The following CORO2B variants were observed in gnomAD, a reference collection of about 807,000 sequenced individuals.
The protein encoded by CORO2B is coronin 2B.
CORO2B carries 26 observed loss-of-function variants against 58.8 expected under a neutral mutation model. The observed-to-expected ratio is 0.44, with a 90% confidence interval of 0.32 to 0.61. The LOEUF (loss-of-function observed/expected upper bound fraction) is 0.61, where lower values mean the gene tolerates loss of function less well. CORO2B is among the 20% of genes least tolerant of loss of function. The pLI is 0.04. For synonymous variants in CORO2B, 242 were observed against 253.8 expected (o/e 0.95, Z 0.44); for missense variants, 460 against 645.1 (o/e 0.71, Z 3.11).
chr15:68,641,556 C>T lies in CORO2B; in HGVS notation c.16-3604C>T, dbSNP rs577023282. ...GATGGGAAAACAGGCACAGAAACTG[C>T]GGGCCGCTGAGCGCTCCACCTGGGG... On this transcript the variant is annotated intron_variant, in intron 1 of 11. Transcript: ENST00000261861. 1.8e-5 allele frequency: 18 copies of T among 985,282 alleles called. No individual in the cohort carries two copies. The East Asian group carries it at 1.1e-3, about 62-fold the overall frequency. 61.0% of individuals were successfully genotyped at this position (985,282 alleles called of 1,614,324 possible).
intron 2 of CORO2B, among the ~76,000 whole-genome samples, chr15:68,664,154 C>T (rs943204638): frequency 2.0e-5 from 3 of 151,914 alleles, no homozygotes; most frequent in Admixed American, 6.5e-5. Context: ...TGTACACGTG[C>T]AAAAATTCAA....
intron 3 of CORO2B, among the ~76,000 whole-genome samples, chr15:68,700,349 C>A (rs1892611298): frequency 6.6e-6 from 1 of 151,306 alleles, no homozygotes; most frequent in East Asian, 1.9e-4. Context: ...GCCTGTTTCA[C>A]CCCCAGCCCT....
chr15:68,524,779 C>T, the CORO2B span, among the ~76,000 whole-genome samples: 1 of 152,170 alleles, frequency 6.6e-6, no homozygotes, highest in African/African-American at 2.4e-5. Context: ...AGAACATTTT[C>T]CTGAACACTC....
the CORO2B span, among the ~76,000 whole-genome samples, chr15:68,541,769 C>T: frequency 6.6e-6 from 1 of 152,206 alleles, no homozygotes; most frequent in Non-Finnish European, 1.5e-5. Context: ...TTCGCTGGCT[C>T]ATGGGGCTTC....
intron 2 of CORO2B, among the ~76,000 whole-genome samples, chr15:68,689,081 G>A (rs937206717): frequency 1.3e-5 from 2 of 150,430 alleles, no homozygotes; most frequent in Admixed American, 6.7e-5. Flanking sequence ...GTACACAACA[G>A]CTGCGATTCA....
chr15:68,705,682 G>T (rs1042327445), intron 3 of CORO2B, among the ~76,000 whole-genome samples: 2 of 152,078 alleles, frequency 1.3e-5, no homozygotes, highest in African/African-American at 4.8e-5. Flanking sequence ...TAAGGGGCTG[G>T]TGCCTGGGCA....
intron 2 of CORO2B, among the ~76,000 whole-genome samples, chr15:68,694,125 C>T (rs1418678955): frequency 6.6e-6 from 1 of 152,116 alleles, no homozygotes; most frequent in Non-Finnish European, 1.5e-5. Flanking sequence ...TGTGAGCCAC[C>T]GCACCCGGCT....
At chr15:68,705,673 A>G (rs546932893) in intron 3 of CORO2B, among the ~76,000 whole-genome samples, 1 of 152,048 alleles carries the variant, frequency 6.6e-6, no homozygotes, top group Non-Finnish European at 1.5e-5. Context: ...GAATCCAGTT[A>G]AGGGGCTGGT....
intron 1 of CORO2B, among the ~76,000 whole-genome samples, chr15:68,598,399 C>T (rs1417229200): frequency 1.3e-5 from 2 of 152,256 alleles, no homozygotes; most frequent in Non-Finnish European, 2.9e-5. Flanking sequence ...CTCTGCTTCT[C>T]TATTTTGCGT....
At chr15:68,632,643 T>C (rs370348721) in intron 1 of CORO2B, among the ~76,000 whole-genome samples, 1 of 152,206 alleles carries the variant, frequency 6.6e-6, no homozygotes, top group Admixed American at 6.5e-5. Context: ...CAGGCTGGAG[T>C]GCAGTGGTGC....
chr15:68,576,711 A>G (rs1368728251), upstream of CORO2B, among the ~76,000 whole-genome samples: 3 of 152,186 alleles, frequency 2.0e-5, no homozygotes, highest in Non-Finnish European at 4.4e-5. Context: ...CAGCTGAGAC[A>G]GGGAATCTGA....
At position 68,710,759 on chromosome 15, in the gene CORO2B, G is replaced by C. The variant is rs1412173142; in HGVS notation, c.361G>C (p.Gly121Arg). Residue 121 changes from glycine to arginine, a missense_variant, in exon 4 of 12, where the codon GGG (glycine) becomes CGG (arginine). Transcript: ENST00000261861. This position sits in a 1 kb window ranked among gnomAD's most constrained non-coding sequence, Gnocchi z 4.1. ...GCGGATCTGGGAGATCCCCGAGGGC[G>C]GGCTGAAGCGGAACATGACGGAGGC... is the stretch of plus-strand genomic sequence containing the variant. Reference protein sequence around the residue: ...SVRIWEIPEGGLKRNMTEALL... With the variant: ...SVRIWEIPEGRLKRNMTEALL... 1.9e-6 allele frequency: 3 copies of C among 1,610,134 alleles called. No individual in the cohort carries two copies. The highest frequency in any genetic ancestry group is 2.5e-6 in the Non-Finnish European group (3 of 1,178,246).
the CORO2B span, among the ~76,000 whole-genome samples, chr15:68,547,761 A>AT: frequency 6.6e-6 from 1 of 152,244 alleles, no homozygotes; most frequent in South Asian, 2.1e-4. Context: ...TTCCCAGTCA[A>AT]TTTAAAAATT....
At chr15:68,724,170 C>A (rs1278617390) in intron 11 of CORO2B, among the ~76,000 whole-genome samples, 1 of 152,120 alleles carries the variant, frequency 6.6e-6, no homozygotes, top group Non-Finnish European at 1.5e-5. Flanking sequence ...CCACTGCACT[C>A]CAGTCTGGGT....
intron 1 of CORO2B, among the ~76,000 whole-genome samples, chr15:68,598,891 A>G (rs545117843): frequency 1.3e-5 from 2 of 152,288 alleles, no homozygotes; most frequent in East Asian, 3.9e-4. Context: ...TGGGGCAGCC[A>G]TGCTGTGAGT....
At chr15:68,685,951 G>C (rs1336823405) in intron 2 of CORO2B, among the ~76,000 whole-genome samples, 1 of 151,640 alleles carries the variant, frequency 6.6e-6, no homozygotes, top group Non-Finnish European at 1.5e-5. Flanking sequence ...CAAATCTAAG[G>C]GGCTTCGCAA....
chr15:68,610,296 G>A (rs1048271932), intron 1 of CORO2B, among the ~76,000 whole-genome samples: 3 of 152,264 alleles, frequency 2.0e-5, no homozygotes, highest in South Asian at 2.1e-4. Context: ...CAAAGCAAAT[G>A]GTTGAACCAC....
intron 2 of CORO2B, among the ~76,000 whole-genome samples, chr15:68,647,022 C>A (rs1170105707): frequency 6.6e-6 from 1 of 152,190 alleles, no homozygotes; most frequent in Non-Finnish European, 1.5e-5. Flanking sequence ...CTATCGCCGG[C>A]ACCCTGCCAT....
chr15:68,607,817 CAA>C (rs34353055), intron 1 of CORO2B, among the ~76,000 whole-genome samples: 3,529 of 106,000 alleles, frequency 0.033, 133 homozygotes, highest in African/African-American at 0.1. Flanking sequence ...GACCCTATCT[CAA>C]AAAAAAAAAA....
Sources: gnomAD v4.1 joint callset for allele counts (sites outside exome capture counted in the v4.1 genomes callset) on GRCh38, gnomAD v4.1.1 for gene constraint, Gnocchi (gnomAD v3.1) non-coding constraint, MANE v1.5 for transcripts, NCBI Gene and HGNC (gene_info 2026-07-23, HGNC 2026-07-21) for gene names.